Variants in FSHR observed in about 807,000 individuals in gnomAD.
The protein encoded by FSHR is follicle-stimulating hormone receptor.
Under a neutral mutation model 52.1 loss-of-function variants are expected in FSHR, and 46 were observed. The ratio of observed to expected loss-of-function variants is 0.88; its 90% CI spans 0.70 to 1.13. The LOEUF (loss-of-function observed/expected upper bound fraction) is 1.13. FSHR is among the 50% of genes most tolerant of loss of function. The pLI, the probability that FSHR is intolerant of heterozygous loss-of-function variation, is 0.00. For missense variants in FSHR, 964 were observed against 834.6 expected (o/e 1.16, Z -1.91); for synonymous variants, 399 against 309.6 (o/e 1.29, Z -3.03).
chr2:48,996,166 C>G (rs1676015506), intron 4 of FSHR, among the ~76,000 whole-genome samples: 1 of 152,036 alleles, frequency 6.6e-6, no homozygotes, highest in Non-Finnish European at 1.5e-5. Context: ...CCATTTGATT[C>G]TTTTACTCTT....
intron 8 of FSHR, among the ~76,000 whole-genome samples, chr2:48,974,993 G>C (rs546652015): frequency 6.6e-6 from 1 of 152,160 alleles, no homozygotes; most frequent in Non-Finnish European, 1.5e-5. Flanking sequence ...GGCGTGGGTG[G>C]GGGGTAGTAA....
intron 1 of FSHR, among the ~76,000 whole-genome samples, chr2:49,102,119 T>A (rs1211691275): frequency 6.6e-6 from 1 of 152,146 alleles, no homozygotes; most frequent in Admixed American, 6.6e-5. Flanking sequence ...CTAAGCATGA[T>A]GGGCAGTGCA....
At chr2:49,065,720 A>G (rs571095185) in intron 2 of FSHR, among the ~76,000 whole-genome samples, 3 of 152,192 alleles carry the variant, frequency 2.0e-5, no homozygotes, top group South Asian at 4.2e-4. Context: ...ATAAGACATT[A>G]TCTGACAACT....
At position 49,087,085 on chromosome 2, in the gene FSHR, T is replaced by C. The variant is rs865936951; in HGVS notation, c.153-18795A>G. 2.1e-5 allele frequency among the ~76,000 whole-genome samples: 3 copies of C among 145,546 alleles called. No homozygotes were observed. The South Asian group carries it at 6.6e-4, about 32-fold the overall frequency. The stretch of plus-strand genomic sequence containing the variant: ...TGTGGGCAGGGTTTTTTTTTTTTTT[T>C]TTTTTTTTTTTTTACAAAGCTACTT... On this transcript the variant is annotated intron_variant, in intron 1 of 9. Transcript: ENST00000406846.
At chr2:49,122,422 C>T (rs901907700) in intron 1 of FSHR, among the ~76,000 whole-genome samples, 14 of 152,302 alleles carry the variant, frequency 9.2e-5, no homozygotes, top group Middle Eastern at 3.4e-3. Flanking sequence ...TTACTACAGT[C>T]GGGGTCTTCT....
intron 6 of FSHR, 42 bp from the exon 7 acceptor site, chr2:48,983,208 C>A (rs1675336462): frequency 6.4e-7 from 1 of 1,557,352 alleles, no homozygotes; most frequent in Non-Finnish European, 8.9e-7. Flanking sequence ...ATGTCAGATG[C>A]AAACAATACA....
chr2:49,140,308 G>A lies in FSHR; in HGVS notation c.152+13958C>T, dbSNP rs527937492. Among the ~76,000 whole-genome samples the A allele has an allele frequency of 2.7e-3, 402 of 151,392 alleles. 2 individuals are homozygous for A. The highest frequency in any genetic ancestry group is 6.8e-3 in the Middle Eastern group (2 of 294). ...TTTGAAAGTGTGTGGCATTGCCCCC[G>A]CACCACCCCCCACCCATTCTCTCTC... On this transcript the variant is annotated intron_variant, in intron 1 of 9. Transcript: ENST00000406846.
intron 2 of FSHR, among the ~76,000 whole-genome samples, chr2:49,025,888 C>A (rs1391138006): frequency 6.6e-6 from 1 of 152,214 alleles, no homozygotes; most frequent in African/African-American, 2.4e-5. Context: ...GTATGTGCCT[C>A]AACATGGATT....
At chr2:49,071,255 A>G (rs1286246400) in intron 1 of FSHR, among the ~76,000 whole-genome samples, 1 of 152,190 alleles carries the variant, frequency 6.6e-6, no homozygotes, top group Non-Finnish European at 1.5e-5. Context: ...ACACAAATCC[A>G]CTTCCAGAAA....
At chr2:48,993,562 C>T (rs973783523) in intron 4 of FSHR, among the ~76,000 whole-genome samples, 8 of 152,118 alleles carry the variant, frequency 5.3e-5, no homozygotes, top group African/African-American at 1.7e-4. Context: ...TTTTCCAATC[C>T]ATTCTCCATA....
chr2:48,964,429 A>G lies in FSHR; in HGVS notation c.855-463T>C, dbSNP rs116664514. On this transcript the variant is annotated intron_variant, in intron 9 of 9. Transcript: ENST00000406846. ...GAGAACTTATTTGCTTCTCTTATCT[A>G]CATAAATTAGGGGATCAAAATCTGT... 9.6e-3 allele frequency among the ~76,000 whole-genome samples: 1,457 copies of G among 152,306 alleles called. 11 individuals are homozygous for G. The highest frequency in any genetic ancestry group is 0.015 in the Non-Finnish European group (999 of 68,024).
At chr2:49,125,337 A>G (rs1044672551) in intron 1 of FSHR, among the ~76,000 whole-genome samples, 1 of 152,184 alleles carries the variant, frequency 6.6e-6, no homozygotes, top group African/African-American at 2.4e-5. Context: ...AATCACAAAA[A>G]AATCTCATAA....
chr2:49,092,177 G>A (rs1474682647), intron 1 of FSHR, among the ~76,000 whole-genome samples: 1 of 152,126 alleles, frequency 6.6e-6, no homozygotes, highest in African/African-American at 2.4e-5. Context: ...ATTGTTCGCT[G>A]CTAAATTACA....
chr2:49,027,260 T>C (rs1457193759), intron 2 of FSHR, among the ~76,000 whole-genome samples: 2 of 152,230 alleles, frequency 1.3e-5, no homozygotes, highest in East Asian at 3.8e-4. Context: ...CCACCAATAG[T>C]TCTTAACAGC....
intron 9 of FSHR, among the ~76,000 whole-genome samples, chr2:48,964,530 A>T (rs1293491933): frequency 6.6e-6 from 1 of 152,154 alleles, no homozygotes; most frequent in Admixed American, 6.6e-5. Flanking sequence ...ATTTGCCGGA[A>T]ATGTTACCAG....
chr2:49,146,891 T>C (rs1672890744), intron 1 of FSHR, among the ~76,000 whole-genome samples: 1 of 152,000 alleles, frequency 6.6e-6, no homozygotes, highest in Non-Finnish European at 1.5e-5. Flanking sequence ...GATACAAAAA[T>C]GGGCTCAGCT....
Position 48,963,171 on chromosome 2 carries a change from G to C in FSHR, c.1650C>G (p.Ile550Met). 6.2e-7 allele frequency: 1 copy of C among 1,614,094 alleles called. No individual in the cohort carries two copies. The highest frequency in any genetic ancestry group is 1.1e-5 in the South Asian group (1 of 91,070). The stretch of plus-strand genomic sequence containing the variant: ...GGTTCCGCACTGTGAGGTAGATGTG[G>C]ATATAGCAGCCACAGATGACCACAA... ...LAFVVICGCY[I>M]HIYLTVRNPN... Residue 550 changes from isoleucine to methionine, a missense_variant, in exon 10 of 10, where the codon ATC becomes ATG. By Grantham distance (10) the Ile-to-Met change is conservative. Coordinates refer to ENST00000406846, the MANE Select transcript of FSHR (RefSeq NM_000145.4).
chr2:48,974,404 C>A (rs1178298432), intron 8 of FSHR, among the ~76,000 whole-genome samples: 1 of 152,176 alleles, frequency 6.6e-6, no homozygotes, highest in Non-Finnish European at 1.5e-5. Flanking sequence ...CTTATCACGG[C>A]TACAAGACAT....
chr2:49,142,657 T>C (rs1672731225), intron 1 of FSHR, among the ~76,000 whole-genome samples: 1 of 152,210 alleles, frequency 6.6e-6, no homozygotes, highest in African/African-American at 2.4e-5. Context: ...GAAATGCCTC[T>C]AGCTGCTGCA....
Sources: gnomAD v4.1 joint callset for allele counts (sites outside exome capture counted in the v4.1 genomes callset) on GRCh38, gnomAD v4.1.1 for gene constraint, MANE v1.5 for transcripts, NCBI Gene and HGNC (gene_info 2026-07-23, HGNC 2026-07-21) for gene names.